TES: variants seen among roughly 807,000 people sequenced by gnomAD.
TES encodes the protein testin.
A neutral mutation model predicts 48.2 loss-of-function variants in TES; 41 were observed. The ratio of observed to expected loss-of-function variants is 0.85; its 90% CI spans 0.66 to 1.10. TES has a LOEUF of 1.10. Among genes scored for constraint, TES ranks in the 50% least tolerant of loss-of-function variants. The pLI, the probability that TES is intolerant of heterozygous loss-of-function variation, is 0.00. For missense variants in TES, 463 were observed against 515.1 expected (o/e 0.90, Z 0.98); for synonymous variants, 162 against 174.9 (o/e 0.93, Z 0.58).
intron 1 of TES, among the ~76,000 whole-genome samples, chr7:116,219,123 A>T (rs904055236): frequency 6.6e-6 from 1 of 152,144 alleles, no homozygotes; most frequent in African/African-American, 2.4e-5. Flanking sequence ...CGATTATTTT[A>T]TCAAGGAAAC....
chr7:116,241,361 C>T (rs1285529730), intron 2 of TES, among the ~76,000 whole-genome samples: 1 of 152,168 alleles, frequency 6.6e-6, no homozygotes, highest in Admixed American at 6.5e-5. Context: ...TAGATAGCTC[C>T]TGGCACCTGG....
chr7:116,227,208 C>A (rs575106167), intron 1 of TES, among the ~76,000 whole-genome samples: 9 of 151,816 alleles, frequency 5.9e-5, no homozygotes, highest in Non-Finnish European at 1.3e-4. Flanking sequence ...CCTCTGTCCC[C>A]TGAGTTCAAG....
In TES at chr7:116,252,661, A is replaced by C. The variant is rs761027939; in HGVS notation, c.1077+185A>C. On this transcript the variant is annotated intron_variant, in intron 6 of 6. Transcript: ENST00000358204. The stretch of plus-strand genomic sequence containing the variant: ...ACAATACATGCATTGACTATGAGCC[A>C]CCTCAAGATTTCTACTTGTGAAATT... 7 of 711,528 alleles carry C rather than the reference A, an allele frequency of 9.8e-6. No individual in the cohort carries two copies. In the South Asian group the frequency reaches 1.2e-4, roughly 12 times the overall value. 44.1% of individuals were successfully genotyped at this position (711,528 alleles called of 1,614,324 possible). A position where few individuals can be genotyped will look rare whatever the true frequency, so the allele number is the denominator to read the frequency against.
intron 1 of TES, among the ~76,000 whole-genome samples, chr7:116,228,917 C>A (rs201236571): frequency 2.0e-5 from 3 of 149,960 alleles, no homozygotes; most frequent in Non-Finnish European, 3.0e-5. Flanking sequence ...CACTCTGTGA[C>A]CAGAACACAG....
intron 1 of TES, among the ~76,000 whole-genome samples, chr7:116,227,929 A>T (rs1344158777): frequency 6.6e-6 from 1 of 152,158 alleles, no homozygotes; most frequent in Non-Finnish European, 1.5e-5. Flanking sequence ...AATACTGCAT[A>T]ATATCTTCCA....
intron 6 of TES, chr7:116,255,382 C>T (rs73222312): frequency 0.19 from 28,598 of 152,210 alleles, 2,777 homozygotes; most frequent in Middle Eastern, 0.26. Context: ...AGGCCCTTGG[C>T]GCAGCCTGGG....
intron 1 of TES, chr7:116,210,996 C>G (rs1411666515): frequency 3.1e-6 from 1 of 320,014 alleles, no homozygotes; most frequent in Middle Eastern, 8.6e-4. Context: ...TCCAGTCTCA[C>G]GGAATCCCAG....
intron 2 of TES, among the ~76,000 whole-genome samples, chr7:116,246,481 T>A (rs144980114): frequency 6.6e-6 from 1 of 152,368 alleles, no homozygotes; most frequent in South Asian, 2.1e-4. Context: ...ATTGCTCTTA[T>A]GATGAAGCCC....
chr7:116,214,078 A>AT (rs1799467602), intron 1 of TES, among the ~76,000 whole-genome samples: 1 of 151,862 alleles, frequency 6.6e-6, no homozygotes, highest in South Asian at 2.1e-4. Flanking sequence ...TACCGTGTTC[A>AT]TTTTTTCTCT....
intron 6 of TES, among the ~76,000 whole-genome samples, chr7:116,255,448 G>T (rs1051046140): frequency 6.6e-6 from 1 of 152,170 alleles, no homozygotes; most frequent in Non-Finnish European, 1.5e-5. Flanking sequence ...GTGATTACAT[G>T]TCAGATTTTG....
chr7:116,222,671 T>G (rs1489471303), intron 1 of TES: 1 of 152,192 alleles, frequency 6.6e-6, no homozygotes, highest in East Asian at 1.9e-4. Flanking sequence ...CTCTGTGGGA[T>G]CCACCCTTTA....
chr7:116,217,860 G>A, intron 1 of TES: 1 of 516,486 alleles, frequency 1.9e-6, no homozygotes, highest in Non-Finnish European at 3.9e-6. Flanking sequence ...TCAATTTTCA[G>A]TTCTAAGTGC....
At chr7:116,210,850 C>T in intron 1 of TES, 116 bp downstream of exon 1, 3 of 962,902 alleles carry the variant, frequency 3.1e-6, no homozygotes, top group Non-Finnish European at 4.1e-6. Flanking sequence ...GTGAGCCCGG[C>T]TCTGGGTCTG....
intron 6 of TES, among the ~76,000 whole-genome samples, chr7:116,254,315 C>T (rs959409393): frequency 3.8e-5 from 5 of 133,126 alleles, no homozygotes; most frequent in Non-Finnish European, 7.9e-5. Context: ...GATGAAACTG[C>T]TTTTTTTTCT....
intron 1 of TES, among the ~76,000 whole-genome samples, chr7:116,214,769 C>T (rs1799475493): frequency 6.6e-6 from 1 of 152,102 alleles, no homozygotes; most frequent in Non-Finnish European, 1.5e-5. Context: ...TCAACTCACC[C>T]TATGACTTTG....
At chr7:116,215,727 A>T (rs1455871353) in intron 1 of TES, among the ~76,000 whole-genome samples, 1 of 152,060 alleles carries the variant, frequency 6.6e-6, no homozygotes, top group Non-Finnish European at 1.5e-5. Context: ...TGGAACTATA[A>T]AGGGATGCTC....
chr7:116,234,953 C>CTT (rs143860707), intron 2 of TES, among the ~76,000 whole-genome samples: 3 of 151,562 alleles, frequency 2.0e-5, no homozygotes, highest in African/African-American at 7.3e-5. Flanking sequence ...TTATTTGTTA[C>CTT]TTTTTTTTTG....
At chr7:116,241,998 T>A (rs1471163311) in intron 2 of TES, among the ~76,000 whole-genome samples, 3 of 152,250 alleles carry the variant, frequency 2.0e-5, no homozygotes, top group Admixed American at 2.0e-4. Flanking sequence ...ATTTCACTTG[T>A]ATCTTTTATT....
At chr7:116,235,353 TGTTA>T (rs1799755775) in intron 2 of TES, among the ~76,000 whole-genome samples, 1 of 152,240 alleles carries the variant, frequency 6.6e-6, no homozygotes, top group African/African-American at 2.4e-5. Context: ...AGCATGTATA[TGTTA>T]GTTATCAGGA....
Sources: allele counts gnomAD v4.1 joint callset (sites outside exome capture counted in the v4.1 genomes callset), GRCh38; gene constraint gnomAD v4.1.1; transcripts MANE v1.5; gene names NCBI Gene and HGNC (gene_info 2026-07-23, HGNC 2026-07-21).